Variants in LPP observed in about 807,000 individuals in gnomAD.
The protein encoded by LPP is LIM domain containing preferred translocation partner in lipoma.
A neutral mutation model predicts 60.4 loss-of-function variants in LPP; 38 were observed. That is an observed-to-expected ratio of 0.63 (90% CI 0.49 to 0.83). The LOEUF is 0.83. Among genes scored for constraint, LPP ranks in the 40% least tolerant of loss-of-function variants. The pLI, the probability that LPP is intolerant of heterozygous loss-of-function variation, is 0.00. For missense variants in LPP, 902 were observed against 783.6 expected (o/e 1.15, Z -1.80); for synonymous variants, 328 against 290.8 (o/e 1.13, Z -1.30).
chr3:188,811,090 G>GTA (rs148368230), intron 9 of LPP, among the ~76,000 whole-genome samples: 11 of 151,480 alleles, frequency 7.3e-5, no homozygotes, highest in Middle Eastern at 3.4e-3. Flanking sequence ...GAGTTATAGG[G>GTA]TATATATATA....
At chr3:188,377,746 T>TG (rs1378849030) in intron 3 of LPP, among the ~76,000 whole-genome samples, 1 of 152,238 alleles carries the variant, frequency 6.6e-6, no homozygotes, top group African/African-American at 2.4e-5. Flanking sequence ...CCATTGCTGG[T>TG]GAGGAGCTGT....
intron 9 of LPP, among the ~76,000 whole-genome samples, chr3:188,802,647 G>C (rs946021624): frequency 3.9e-5 from 6 of 152,114 alleles, no homozygotes; most frequent in Admixed American, 3.9e-4. Flanking sequence ...GCTGGGTGTG[G>C]TGGCAGGTGC....
intron 8 of LPP, among the ~76,000 whole-genome samples, chr3:188,718,063 C>A (rs1168068791): frequency 1.3e-5 from 2 of 152,176 alleles, no homozygotes; most frequent in Non-Finnish European, 2.9e-5. Flanking sequence ...TCAGGTGATC[C>A]TCCTGCCTCG....
chr3:188,190,617 T>C (rs1449948093), intron 1 of LPP, among the ~76,000 whole-genome samples: 1 of 152,134 alleles, frequency 6.6e-6, no homozygotes, highest in Non-Finnish European at 1.5e-5. Flanking sequence ...AACAGGTGCA[T>C]ATTTCAGAGG....
intron 2 of LPP, among the ~76,000 whole-genome samples, chr3:188,293,830 C>T (rs1439952093): frequency 1.3e-5 from 2 of 151,776 alleles, no homozygotes; most frequent in Non-Finnish European, 2.9e-5. Flanking sequence ...TTTGGGAGAC[C>T]GAGGTGGGTG....
At chr3:188,666,029 A>G (rs1855724070) in intron 7 of LPP, among the ~76,000 whole-genome samples, 1 of 152,362 alleles carries the variant, frequency 6.6e-6, no homozygotes, top group South Asian at 2.1e-4. Context: ...ACATTTTGCC[A>G]TTCTTATTCA....
chr3:188,478,818 C>A (rs1296349568), intron 4 of LPP, among the ~76,000 whole-genome samples: 4 of 152,050 alleles, frequency 2.6e-5, no homozygotes, highest in Non-Finnish European at 5.9e-5. Context: ...TACAGTGGCT[C>A]CATCTCGGCT....
chr3:188,819,566 A>T (rs1486016343), intron 9 of LPP, among the ~76,000 whole-genome samples: 2 of 152,194 alleles, frequency 1.3e-5, no homozygotes, highest in African/African-American at 4.8e-5. Context: ...GTGAGGAAGG[A>T]ATGTATTCTA....
intron 4 of LPP, among the ~76,000 whole-genome samples, chr3:188,458,451 A>G (rs955863261): frequency 3.9e-5 from 6 of 152,190 alleles, no homozygotes; most frequent in African/African-American, 1.4e-4. Context: ...TGTTACTATT[A>G]TAATTTTTAA....
At chr3:188,872,269 G>C (rs1370461735) in intron 10 of LPP, among the ~76,000 whole-genome samples, 1 of 152,118 alleles carries the variant, frequency 6.6e-6, no homozygotes, top group Non-Finnish European at 1.5e-5. Flanking sequence ...CAAAAGTCTA[G>C]AAACAAAAGT....
At chr3:188,808,357 T>G (rs895643698) in intron 9 of LPP, among the ~76,000 whole-genome samples, 10 of 152,170 alleles carry the variant, frequency 6.6e-5, no homozygotes, top group Non-Finnish European at 2.9e-5. Context: ...GGACATTTTC[T>G]GCTGTTACCT....
intron 1 of LPP, among the ~76,000 whole-genome samples, chr3:188,196,309 C>T (rs143373687): frequency 4.1e-4 from 62 of 152,270 alleles, no homozygotes; most frequent in African/African-American, 1.4e-3. Context: ...GTTGGAAATC[C>T]CAAAGTTGCA....
At chr3:188,402,882 GAGTT>G (rs1205491224) in intron 3 of LPP, among the ~76,000 whole-genome samples, 1 of 152,214 alleles carries the variant, frequency 6.6e-6, no homozygotes. Context: ...AATGTTCACA[GAGTT>G]AGAGACATTT....
At position 188,647,005 on chromosome 3, in the gene LPP, T is replaced by A. The variant is rs1024423932; in HGVS notation, c.1113+37161T>A. On this transcript the variant is annotated intron_variant, in intron 7 of 11. Transcript: ENST00000617246. The stretch of plus-strand genomic sequence containing the variant: ...GAGTGTTGCTGTTAATTGAGCTAGA[T>A]AACATGCCAGTGTCTGGCCTAGTTC... 3.3e-5 allele frequency among the ~76,000 whole-genome samples: 5 copies of A among 152,272 alleles called. No individual in the cohort carries two copies. In the South Asian group the frequency reaches 1.0e-3, roughly 31 times the overall value.
At chr3:188,608,667 C>T (rs1842981857) in intron 6 of LPP, among the ~76,000 whole-genome samples, 1 of 152,124 alleles carries the variant, frequency 6.6e-6, no homozygotes, top group Admixed American at 6.5e-5. Context: ...TTTGTGGTTC[C>T]ATGTGAGTTT....
intron 9 of LPP, among the ~76,000 whole-genome samples, chr3:188,799,774 T>A (rs974937229): frequency 6.6e-6 from 1 of 152,206 alleles, no homozygotes; most frequent in African/African-American, 2.4e-5. Context: ...GCAACTTGCA[T>A]ATGTAGAGAG....
chr3:188,372,345 A>C, intron 3 of LPP, among the ~76,000 whole-genome samples: 1 of 152,242 alleles, frequency 6.6e-6, no homozygotes, highest in East Asian at 1.9e-4. Flanking sequence ...ACGATATTTC[A>C]TATGTACACA....
chr3:188,295,408 G>A (rs1444077830), intron 2 of LPP, among the ~76,000 whole-genome samples: 1 of 152,212 alleles, frequency 6.6e-6, no homozygotes, highest in Non-Finnish European at 1.5e-5. Flanking sequence ...CAAAACCACA[G>A]TCATCCAGAC....
intron 3 of LPP, among the ~76,000 whole-genome samples, chr3:188,365,117 CT>C (rs57752120): frequency 0.23 from 33,206 of 142,602 alleles, 3,829 homozygotes; most frequent in East Asian, 0.44. Flanking sequence ...AATAGAAGCG[CT>C]TTTTTTTTTT....
Sources: allele counts gnomAD v4.1 joint callset (sites outside exome capture counted in the v4.1 genomes callset), GRCh38; gene constraint gnomAD v4.1.1; transcripts MANE v1.5; gene names NCBI Gene and HGNC (gene_info 2026-07-23, HGNC 2026-07-21).